Variants in PPFIA2 observed in about 807,000 individuals in gnomAD.
PPFIA2 encodes the protein liprin-alpha-2.
PPFIA2 carries 46 observed loss-of-function variants against 175.5 expected under a neutral mutation model. The ratio of observed to expected loss-of-function variants is 0.26; its 90% confidence interval spans 0.21 to 0.34. PPFIA2 has a LOEUF of 0.34. PPFIA2 is among the 10% of genes least tolerant of loss of function. The pLI is 1.00. For synonymous variants in PPFIA2, 568 were observed against 511.4 expected, an observed-to-expected ratio of 1.11 and a Z score of -1.49; for missense variants, 1,179 against 1,506.1, an observed-to-expected ratio of 0.78 and a Z score of 3.60.
intron 22 of PPFIA2, among the ~76,000 whole-genome samples, chr12:81,301,609 A>C (rs1271278602): frequency 6.6e-6 from 1 of 152,138 alleles, no homozygotes; most frequent in Non-Finnish European, 1.5e-5. Context: ...ACTGGAAATA[A>C]AAGCCAAAAC....
chr12:81,365,115 T>C (rs1353218560), intron 14 of PPFIA2, among the ~76,000 whole-genome samples: 1 of 151,594 alleles, frequency 6.6e-6, no homozygotes, highest in Admixed American at 6.6e-5. Context: ...ATCCAGGAGA[T>C]CAGATGAAGT....
intron 4 of PPFIA2, chr12:81,535,320 G>C (rs1169173276): frequency 8.9e-6 from 4 of 447,270 alleles, no homozygotes; most frequent in Admixed American, 7.2e-5. Flanking sequence ...CAGGAAAAGA[G>C]GGTTCCGGAG....
At chr12:81,647,904 A>C (rs1361100075) in intron 4 of PPFIA2, among the ~76,000 whole-genome samples, 1 of 144,852 alleles carries the variant, frequency 6.9e-6, no homozygotes, top group Non-Finnish European at 1.5e-5. Context: ...TGAAGACATC[A>C]TCAAGAGAAA....
At chr12:81,385,899 T>C (rs909131463) in intron 8 of PPFIA2, among the ~76,000 whole-genome samples, 4 of 152,142 alleles carry the variant, frequency 2.6e-5, no homozygotes, top group African/African-American at 9.6e-5. Context: ...ATATATTAAC[T>C]TGATTGAATC....
chr12:81,601,746 T>C (rs967445655), intron 4 of PPFIA2, among the ~76,000 whole-genome samples: 1 of 151,852 alleles, frequency 6.6e-6, no homozygotes, highest in Non-Finnish European at 1.5e-5. Context: ...ACCTGGTTTG[T>C]TTGTACCCTT....
chr12:81,437,955 C>A (rs2049394692), intron 7 of PPFIA2, among the ~76,000 whole-genome samples: 1 of 150,294 alleles, frequency 6.7e-6, no homozygotes, highest in Non-Finnish European at 1.5e-5. Context: ...TTCCCCCAAA[C>A]CATCCTGTTT....
chr12:81,515,343 C>T (rs1395005628), intron 4 of PPFIA2, among the ~76,000 whole-genome samples: 1 of 151,792 alleles, frequency 6.6e-6, no homozygotes, highest in African/African-American at 2.4e-5. Context: ...TTGAAGATTA[C>T]CCAACATAGA....
Position 81,266,979 on chromosome 12 carries a change from G to A in PPFIA2, c.3528C>T (p.Ala1176=), listed in dbSNP as rs1174470096. The change falls in exon 30 of 33, where the codon GCC becomes GCT. Residue 1176 remains alanine (A), a synonymous_variant. Coordinates refer to ENST00000549396, the MANE Select transcript of PPFIA2 (RefSeq NM_003625.5). ...CATCCAGTCGCCTTTCAGTTCCCAGGGCCAAGAGGTTATTGTATTCTCTTT... is the reference window on the plus strand; with the variant it reads ...CATCCAGTCGCCTTTCAGTTCCCAGAGCCAAGAGGTTATTGTATTCTCTTT... ...ILEREYNNLL[A]LGTERRLDES... 6.2e-7 allele frequency: 1 copy of A among 1,612,970 alleles called. No individual in the cohort carries two copies. Among genetic ancestry groups the A allele is most frequent in the South Asian group, 1.1e-5 (1 of 90,996 alleles).
chr12:81,452,718 C>T (rs1017325249), intron 5 of PPFIA2, among the ~76,000 whole-genome samples: 1 of 152,102 alleles, frequency 6.6e-6, no homozygotes, highest in Admixed American at 6.6e-5. Context: ...ATTATTAACT[C>T]GTACAGGCAG....
chr12:81,277,240 T>C lies in PPFIA2; in HGVS notation c.3310+77A>G, dbSNP rs867668694. 25 of 1,262,650 alleles carry C rather than the reference T, an allele frequency of 2.0e-5. No individual in the cohort carries two copies. The East Asian group carries it at 3.7e-4, about 19-fold the overall frequency. 78.2% of individuals were successfully genotyped at this position (1,262,650 alleles called of 1,614,324 possible). A position where few individuals can be genotyped will look rare whatever the true frequency, so the allele number is the denominator to read the frequency against. ...TACTTACTGACCATTGTAACACATATAACATTTTAGGTTAGTAAAAGTGAA... is the reference window on the plus strand; with the variant it reads ...TACTTACTGACCATTGTAACACATACAACATTTTAGGTTAGTAAAAGTGAA... On this transcript the variant is annotated intron_variant, in intron 28 of 32. Coordinates refer to ENST00000549396, the MANE Select transcript of PPFIA2 (RefSeq NM_003625.5).
chr12:81,279,560 C>T (rs1457684374), intron 27 of PPFIA2, among the ~76,000 whole-genome samples: 1 of 151,980 alleles, frequency 6.6e-6, no homozygotes, highest in African/African-American at 2.4e-5. Flanking sequence ...CCGAAAAGAC[C>T]ATAGGATGCA....
chr12:81,750,855 T>A (rs2083666002), intron 3 of PPFIA2, among the ~76,000 whole-genome samples: 1 of 152,178 alleles, frequency 6.6e-6, no homozygotes, highest in African/African-American at 2.4e-5. Context: ...TTATCTCTGC[T>A]TTCAATTCTA....
At chr12:81,643,634 G>T (rs1463176971) in intron 4 of PPFIA2, among the ~76,000 whole-genome samples, 1 of 151,992 alleles carries the variant, frequency 6.6e-6, no homozygotes, top group African/African-American at 2.4e-5. Flanking sequence ...CAGTGAGATG[G>T]TTTCTTATCA....
At chr12:81,453,088 G>A (rs1036910609) in intron 5 of PPFIA2, among the ~76,000 whole-genome samples, 2 of 150,578 alleles carry the variant, frequency 1.3e-5, no homozygotes, top group African/African-American at 4.9e-5. Flanking sequence ...CTGGTGCGCT[G>A]CACCCACTAA....
chr12:81,351,916 A>T (rs1420732409), intron 17 of PPFIA2, among the ~76,000 whole-genome samples: 2 of 152,046 alleles, frequency 1.3e-5, no homozygotes, highest in African/African-American at 4.8e-5. Context: ...AATAAAAAAA[A>T]ATCTGAATTT....
intron 12 of PPFIA2, 111 bp downstream of exon 12, chr12:81,369,000 T>C (rs1430271288): frequency 7.8e-7 from 1 of 1,275,998 alleles, no homozygotes; most frequent in Non-Finnish European, 1.1e-6. Flanking sequence ...CAACAGGTCA[T>C]ATTTGTAAGT....
intron 4 of PPFIA2, among the ~76,000 whole-genome samples, chr12:81,673,213 T>C (rs2071772889): frequency 6.6e-6 from 1 of 152,092 alleles, no homozygotes; most frequent in South Asian, 2.1e-4. Context: ...CACTGCTGGT[T>C]ACACACTGAC....
chr12:81,431,299 TA>T (rs1206202663), intron 7 of PPFIA2: 17 of 152,234 alleles, frequency 1.1e-4, no homozygotes, highest in African/African-American at 4.1e-4. Flanking sequence ...GTAATCTATT[TA>T]TTACCCCTTG....
chr12:81,738,692 T>C (rs1008475497), intron 3 of PPFIA2, among the ~76,000 whole-genome samples: 2 of 148,926 alleles, frequency 1.3e-5, no homozygotes, highest in Non-Finnish European at 1.5e-5. Context: ...AAACACAGGA[T>C]AGGAAAAATA....
Sources: allele counts gnomAD v4.1 joint callset (sites outside exome capture counted in the v4.1 genomes callset), GRCh38; gene constraint gnomAD v4.1.1; transcripts MANE v1.5; gene names NCBI Gene and HGNC (gene_info 2026-07-23, HGNC 2026-07-21).